Variants in CABCOCO1 observed in about 807,000 individuals in gnomAD.
The protein encoded by CABCOCO1 is ciliary associated calcium binding coiled-coil 1.
Under a neutral mutation model 35.7 loss-of-function variants are expected in CABCOCO1, and 28 were observed. That is an observed-to-expected ratio of 0.78 (90% CI 0.58 to 1.07). CABCOCO1 has a LOEUF of 1.07. Ranked by LOEUF, CABCOCO1 falls within the 50% of genes least tolerant of loss-of-function variation. The pLI, the probability that CABCOCO1 is intolerant of heterozygous loss-of-function variation, is 0.00. For synonymous variants in CABCOCO1, 95 were observed against 100.1 expected, an observed-to-expected ratio of 0.95 and a Z score of 0.30; for missense variants, 326 against 309.2, an observed-to-expected ratio of 1.05 and a Z score of -0.41.
At chr10:61,734,855 AG>A (rs1841380943) in intron 5 of CABCOCO1, among the ~76,000 whole-genome samples, 2 of 152,150 alleles carry the variant, frequency 1.3e-5, no homozygotes, top group Non-Finnish European at 2.9e-5. Context: ...AATGCAGAAC[AG>A]GGTGGAAGAT....
intron 5 of CABCOCO1, among the ~76,000 whole-genome samples, chr10:61,716,976 A>G (rs973950044): frequency 2.6e-5 from 4 of 152,298 alleles, no homozygotes; most frequent in Non-Finnish European, 5.9e-5. Flanking sequence ...GTATTTTACC[A>G]GACTCACATT....
At chr10:61,680,140 G>A (rs1016277808) in intron 2 of CABCOCO1, among the ~76,000 whole-genome samples, 3 of 150,900 alleles carry the variant, frequency 2.0e-5, no homozygotes, top group Non-Finnish European at 3.0e-5. Flanking sequence ...GTGAAACCCC[G>A]TCTCTACTAA....
intron 5 of CABCOCO1, among the ~76,000 whole-genome samples, chr10:61,694,080 T>C (rs762505879): frequency 6.6e-6 from 1 of 151,822 alleles, no homozygotes; most frequent in African/African-American, 2.4e-5. Flanking sequence ...TGTATTACTT[T>C]ACATGGTAAA....
At position 61,766,183 on chromosome 10, in the gene CABCOCO1, A is replaced by C; in HGVS notation, c.*170A>C. The stretch of plus-strand genomic sequence containing the variant: ...GAAAAGTATTGGTCCCAATTTTGCT[A>C]TCTCCCATCCCATAACAGCCTCTGA... On this transcript the variant is annotated 3_prime_UTR_variant, in exon 8 of 8. Coordinates refer to ENST00000648843, the MANE Select transcript of CABCOCO1 (RefSeq NM_001366906.2). 1 of 570,250 alleles carries C rather than the reference A, an allele frequency of 1.8e-6. No individual in the cohort carries two copies. The highest frequency in any genetic ancestry group is 3.0e-6 in the Non-Finnish European group (1 of 328,714). 35.3% of individuals were successfully genotyped at this position (570,250 alleles called of 1,614,324 possible).
At chr10:61,749,983 T>TC (rs397757691) in intron 5 of CABCOCO1, among the ~76,000 whole-genome samples, 1 of 148,442 alleles carries the variant, frequency 6.7e-6, no homozygotes, top group South Asian at 2.2e-4. Context: ...TTTTTTTTTT[T>TC]CATCATCACA....
At chr10:61,760,304 A>T (rs1242810470) in intron 6 of CABCOCO1, 123 bp downstream of exon 6, 1 of 1,300,168 alleles carries the variant, frequency 7.7e-7, no homozygotes, top group African/African-American at 1.5e-5. Context: ...CCAAATACAA[A>T]TATTTCTCTA....
chr10:61,722,063 G>A (rs7897271), intron 5 of CABCOCO1, among the ~76,000 whole-genome samples: 2,129 of 152,182 alleles, frequency 0.014, 42 homozygotes, highest in African/African-American at 0.048. Context: ...GTTGTCAATT[G>A]GATGAGTCTC....
intron 5 of CABCOCO1, among the ~76,000 whole-genome samples, chr10:61,730,169 T>TA (rs34679268): frequency 0.63 from 91,008 of 144,046 alleles, 29,417 homozygotes; most frequent in Middle Eastern, 0.84. Context: ...CATTGTCCAA[T>TA]AAAAAAAAAA....
chr10:61,690,513 C>T, intron 4 of CABCOCO1, 36 bp from the exon 5 acceptor site: 1 of 1,419,728 alleles, frequency 7.0e-7, no homozygotes, highest in Non-Finnish European at 9.8e-7. Context: ...TTCCTGAAAT[C>T]AACTTATCAG....
At chr10:61,681,686 A>C (rs1839796673) in intron 3 of CABCOCO1, among the ~76,000 whole-genome samples, 1 of 152,166 alleles carries the variant, frequency 6.6e-6, no homozygotes, top group Admixed American at 6.5e-5. Context: ...ATAGAATATT[A>C]GGCAGCTATA....
At chr10:61,741,564 AT>A (rs1841549885) in intron 5 of CABCOCO1, among the ~76,000 whole-genome samples, 1 of 124,110 alleles carries the variant, frequency 8.1e-6, no homozygotes, top group Non-Finnish European at 2.0e-5. Context: ...TAAAATCTAT[AT>A]GATGTTACCA....
intron 5 of CABCOCO1, among the ~76,000 whole-genome samples, chr10:61,753,383 A>G (rs568968367): frequency 1.3e-5 from 2 of 152,226 alleles, no homozygotes; most frequent in South Asian, 2.1e-4. Flanking sequence ...TTAACTATTT[A>G]TAATGGAACC....
chr10:61,667,965 A>T (rs982906293), intron 1 of CABCOCO1, among the ~76,000 whole-genome samples: 7 of 151,908 alleles, frequency 4.6e-5, no homozygotes, highest in African/African-American at 1.7e-4. Context: ...ATGACTTAGG[A>T]TTTCACTATT....
intron 1 of CABCOCO1, among the ~76,000 whole-genome samples, chr10:61,672,323 G>C (rs960854339): frequency 3.3e-5 from 5 of 152,094 alleles, no homozygotes; most frequent in African/African-American, 1.2e-4. Flanking sequence ...CGTCTTTCTT[G>C]TTTGTATTTG....
intron 5 of CABCOCO1, among the ~76,000 whole-genome samples, chr10:61,707,884 C>CA (rs1328951630): frequency 1.3e-5 from 2 of 151,936 alleles, no homozygotes; most frequent in African/African-American, 2.4e-5. Flanking sequence ...GAGCTTGGTT[C>CA]AAAGGTAAGC....
chr10:61,729,495 T>C (rs1841250435), intron 5 of CABCOCO1, among the ~76,000 whole-genome samples: 1 of 152,140 alleles, frequency 6.6e-6, no homozygotes, highest in African/African-American at 2.4e-5. Flanking sequence ...GAGAAATTGG[T>C]ACCCTTGTAC....
At chr10:61,718,130 A>G (rs1330149973) in intron 5 of CABCOCO1, among the ~76,000 whole-genome samples, 2 of 152,178 alleles carry the variant, frequency 1.3e-5, no homozygotes, top group African/African-American at 4.8e-5. Flanking sequence ...CTGAGTTTTA[A>G]CATAGGAAAG....
At chr10:61,665,988 T>C (rs1839161242) in intron 1 of CABCOCO1, among the ~76,000 whole-genome samples, 1 of 152,202 alleles carries the variant, frequency 6.6e-6, no homozygotes, top group Admixed American at 6.5e-5. Context: ...ACACAAATGA[T>C]TATTTCCCAA....
At chr10:61,764,210 A>G (rs1842063364) in intron 7 of CABCOCO1, among the ~76,000 whole-genome samples, 1 of 152,130 alleles carries the variant, frequency 6.6e-6, no homozygotes, top group Non-Finnish European at 1.5e-5. Flanking sequence ...AGGGACATTA[A>G]TTGAAAGTGG....
Sources: allele counts gnomAD v4.1 joint callset (sites outside exome capture counted in the v4.1 genomes callset), GRCh38; gene constraint gnomAD v4.1.1; transcripts MANE v1.5; gene names NCBI Gene and HGNC (gene_info 2026-07-23, HGNC 2026-07-21).